The following TBRG4 variants were observed in gnomAD, a reference collection of about 807,000 sequenced individuals.
TBRG4 encodes the protein transforming growth factor beta regulator 4.
In TBRG4, 43 loss-of-function variants were observed where a neutral mutation model predicts 65.6. The observed-to-expected ratio is 0.66, with a 90% CI of 0.51 to 0.85. TBRG4 has a LOEUF of 0.85. Among genes scored for constraint, TBRG4 ranks in the 40% least tolerant of loss-of-function variants. The probability of loss-of-function intolerance (pLI) is 0.00; values close to 1 mark genes in which losing one functional copy is unlikely to be tolerated. For missense variants in TBRG4, 709 were observed against 787.9 expected (o/e 0.90, Z 1.20); for synonymous variants, 366 against 341.4 (o/e 1.07, Z -0.79).
In TBRG4 at chr7:45,103,391, A is replaced by G; in HGVS notation, c.1118T>C (p.Leu373Pro). ...DITLPHLCSV[L>P]LAFARLNFHP... is the part of the protein sequence containing the mutation. The stretch of plus-strand genomic sequence containing the variant: ...GAAGTTCAGACGCGCAAAAGCCAGA[A>G]GTACGCTGCACAGGTGGGGCAGGGT... The change falls in exon 6 of 11, where the codon CTT (leucine) becomes CCT (proline). Residue 373 changes from leucine to proline, a missense_variant. By Grantham distance (98) the Leu-to-Pro change is moderately conservative. Transcript: ENST00000258770. The G allele has an allele frequency of 6.2e-7, 1 of 1,614,100 alleles. No homozygotes were observed. Among genetic ancestry groups the G allele is most frequent in the Non-Finnish European group, 8.5e-7 (1 of 1,179,976 alleles).
chr7:45,106,186 T>G, intron 2 of TBRG4: 1 of 411,320 alleles, frequency 2.4e-6, no homozygotes, highest in Non-Finnish European at 4.8e-6. Flanking sequence ...CTACAATAAA[T>G]AGCACATTTC....
At position 45,101,257 on chromosome 7, in the gene TBRG4, C is replaced by A; in HGVS notation, c.1794+1G>T. On this transcript the variant is annotated splice_donor_variant, in intron 10 of 10. Transcript: ENST00000258770. LOFTEE classifies it high-confidence loss of function. ...TGACCACCTGCCCAAGAGGTACTCA[C>A]GTCCACTATCAGGAAGCCTGCAGCC... is the stretch of plus-strand genomic sequence containing the variant. The A allele has an allele frequency of 6.2e-7, 1 of 1,612,348 alleles. No homozygotes were observed. Among genetic ancestry groups the A allele is most frequent in the Non-Finnish European group, 8.5e-7 (1 of 1,179,090 alleles).
chr7:45,101,558 CCA>C lies in TBRG4; in HGVS notation c.1622_1623del (p.Val541GlyfsTer18), dbSNP rs760388169. ...CCAGTTGGCTGGGCAAGGTGAGGTG[CCA>C]CAAAGTCCCTTACGGGCAGAAACTC... Reference protein sequence around the residue: ...DGEFLPVRDFVAPHLAQPTGS... With the variant: ...DGEFLPVRDFXAPHLAQPTGS... On this transcript the variant is annotated frameshift_variant, in exon 9 of 11. Transcript: ENST00000258770. LOFTEE classifies it high-confidence loss of function. The C allele has an allele frequency of 1.2e-6, 2 of 1,613,848 alleles. No homozygotes were observed. Among genetic ancestry groups the C allele is most frequent in the Non-Finnish European group, 1.7e-6 (2 of 1,179,992 alleles).
intron 2 of TBRG4, 46 bp from the exon 3 acceptor site, chr7:45,105,810 C>A: frequency 6.4e-7 from 1 of 1,565,662 alleles, no homozygotes. Context: ...CACTGTCAGT[C>A]CTGTGTGTGA....
At chr7:45,110,540 A>G (rs920368880) in intron 1 of TBRG4, among the ~76,000 whole-genome samples, 2 of 151,220 alleles carry the variant, frequency 1.3e-5, no homozygotes, top group Non-Finnish European at 2.9e-5. Context: ...GGTGGCGGGC[A>G]CCTGTAGTCC....
intron 4 of TBRG4, 72 bp from the exon 5 acceptor site, chr7:45,104,328 C>A: frequency 6.2e-7 from 1 of 1,607,432 alleles, no homozygotes; most frequent in East Asian, 2.2e-5. Flanking sequence ...CACCCCACCT[C>A]AGCCTCGAGG....
intron 10 of TBRG4, among the ~76,000 whole-genome samples, chr7:45,100,960 C>T (rs932463524): frequency 6.6e-6 from 1 of 152,252 alleles, no homozygotes; most frequent in Non-Finnish European, 1.5e-5. Flanking sequence ...TGTGCAGCCT[C>T]TTGGGCTTCA....
chr7:45,101,994 G>C lies in TBRG4; in HGVS notation c.1398C>G (p.Pro466=). ...CAGGCAGAAGGGGACCCGAGTACTC[G>C]GGGTACTCCAGCAGGGCAGTGGCGT... The part of the protein sequence containing the change: ...HINATALLEY[P]EYSGPLLPAS... Residue 466 remains proline (P), a synonymous_variant, in exon 8 of 11, where the codon CCC becomes CCG. Coordinates refer to ENST00000258770, the MANE Select transcript of TBRG4 (RefSeq NM_004749.4). The C allele has an allele frequency of 6.3e-7, 1 of 1,576,002 alleles. No homozygotes were observed. Among genetic ancestry groups the C allele is most frequent in the Non-Finnish European group, 8.6e-7 (1 of 1,163,820 alleles).
rs763795717 is a variant in TBRG4 at position 45,104,266 on chromosome 7, A to G, written c.908-10T>C. ...TGAAAGCTGAGTTTGCCTTCAGGAC[A>G]GAGCAGATCACAGGGTTTAGCTGGA... On this transcript the variant is annotated splice_polypyrimidine_tract_variant and intron_variant, in intron 4 of 10. Transcript: ENST00000258770. The G allele has an allele frequency of 1.2e-6, 2 of 1,613,402 alleles. No individual in the cohort carries two copies. Among genetic ancestry groups the G allele is most frequent in the African/African-American group, 1.3e-5 (1 of 74,952 alleles).
rs542263763 is a variant in TBRG4 at position 45,111,622 on chromosome 7, T to C, written c.-51+21A>G. Reference sequence around the variant, plus strand: ...GAAACCCACGATCAGCCGCCCCTTCTCCCCGTGCCACAAGACCTACGCAGC... The same window carrying C: ...GAAACCCACGATCAGCCGCCCCTTCCCCCCGTGCCACAAGACCTACGCAGC... On this transcript the variant is annotated intron_variant, in intron 1 of 10. Transcript: ENST00000258770. 1.9e-5 allele frequency: 24 copies of C among 1,289,036 alleles called. No individual in the cohort carries two copies. The African/African-American group carries it at 3.0e-4, about 16-fold the overall frequency. The allele number at this position is 1,289,036 out of a possible 1,614,324, so 79.8% of individuals were successfully genotyped here.
In TBRG4 at chr7:45,105,581, G is replaced by C. The variant is rs1310340010; in HGVS notation, c.595C>G (p.His199Asp). 1 of 1,614,178 alleles carries C rather than the reference G, an allele frequency of 6.2e-7. No homozygotes were observed. The highest frequency in any genetic ancestry group is 2.2e-5 in the East Asian group (1 of 44,886). ...ESCATLSQEQ[H>D]SQELLAELLT... ...AGCTCAGCCAGCAGCTCCTGCGAGT[G>C]CTGCTCCTGTGAGAGGGTGGCACAG... The change falls in exon 3 of 11, where the codon CAC becomes GAC. Residue 199 changes from histidine to aspartate, a missense_variant. Coordinates refer to ENST00000258770, the MANE Select transcript of TBRG4 (RefSeq NM_004749.4).
chr7:45,105,289 C>T, intron 3 of TBRG4, 152 bp downstream of exon 3: 1 of 848,548 alleles, frequency 1.2e-6, no homozygotes. Context: ...TCTGGTCCTG[C>T]CCCATGTGAT....
Position 45,104,161 on chromosome 7 carries a change from A to G in TBRG4, c.1003T>C (p.Cys335Arg). The change falls in exon 5 of 11, where the codon TGT becomes CGT. Residue 335 changes from cysteine (C) to arginine (R), a missense_variant. By Grantham distance (180) the Cys-to-Arg change is radical (BLOSUM62 -3). Transcript: ENST00000258770. ...PSLTSGEVAH[C>R]AKSFALLKWL... ...TTGAGTAAGGCGAAGGACTTGGCAC[A>G]GTGGGCCACCTCACCAGAAGTCAGG... The G allele has an allele frequency of 6.2e-7, 1 of 1,614,044 alleles. No individual in the cohort carries two copies. The highest frequency in any genetic ancestry group is 2.2e-5 in the East Asian group (1 of 44,890).
chr7:45,104,119 G>C lies in TBRG4; in HGVS notation c.1045C>G (p.Leu349Val). 1 of 1,610,372 alleles carries C rather than the reference G, an allele frequency of 6.2e-7. No homozygotes were observed. Among genetic ancestry groups the C allele is most frequent in the Non-Finnish European group, 8.5e-7 (1 of 1,178,368 alleles). Residue 349 changes from leucine to valine, a missense_variant, in exon 5 of 11, where the codon CTG (leucine) becomes GTG (valine). Physicochemically the swap from Leu to Val is conservative, Grantham distance 32. Coordinates refer to ENST00000258770, the MANE Select transcript of TBRG4 (RefSeq NM_004749.4). ...FALLKWLSLP[L>V]FEAFAQHVLN... ...CTCACCTGGGCAAAGGCCTCAAACA[G>C]GGGCAGGCTGAGCCACTTGAGTAAG...
chr7:45,105,131 G>A, intron 3 of TBRG4: 1 of 648,152 alleles, frequency 1.5e-6, no homozygotes, highest in South Asian at 1.6e-5. Flanking sequence ...TTCAGGAGCT[G>A]CCTGCCATGC....
Position 45,102,501 on chromosome 7 carries a change from G to A in TBRG4, c.1177-10C>T. On this transcript the variant is annotated splice_polypyrimidine_tract_variant and intron_variant, in intron 6 of 10. Coordinates refer to ENST00000258770, the MANE Select transcript of TBRG4 (RefSeq NM_004749.4). ...CCAGCTTCTCATGTACCTGGGCAAG[G>A]ATAGAGTGTGGTGGAGAAAGCAGGC... is the stretch of plus-strand genomic sequence containing the variant. The A allele has an allele frequency of 6.2e-7, 1 of 1,606,560 alleles. No homozygotes were observed. Among genetic ancestry groups the A allele is most frequent in the Non-Finnish European group, 8.5e-7 (1 of 1,179,608 alleles).
Position 45,101,529 on chromosome 7 carries a change from G to C in TBRG4, c.1653C>G (p.Ser551Arg), listed in dbSNP as rs367717524. 6.2e-7 allele frequency: 1 copy of C among 1,613,644 alleles called. No homozygotes were observed. The highest frequency in any genetic ancestry group is 1.3e-5 in the African/African-American group (1 of 74,934). ...VAPHLAQPTG[S>R]QSPPPGSKRL... ...TCTTAGACCCTGGAGGTGGTGACTG[G>C]CTCCCAGTTGGCTGGGCAAGGTGAG... Residue 551 changes from serine (S) to arginine (R), a missense_variant, in exon 9 of 11, where the codon AGC becomes AGG. Physicochemically the swap from Ser to Arg is moderately radical, Grantham distance 110. Transcript: ENST00000258770.
In TBRG4 at chr7:45,101,915, G is replaced by C. The variant is rs1784776611; in HGVS notation, c.1477C>G (p.Gln493Glu). 1 of 1,610,914 alleles carries C rather than the reference G, an allele frequency of 6.2e-7. No homozygotes were observed. ...TTCAGCGTCTCCTGCAGCTCCTTTTGCAGGGGGGTCACCTTCCTGTCAAGG... is the reference window on the plus strand; with the variant it reads ...TTCAGCGTCTCCTGCAGCTCCTTTTCCAGGGGGGTCACCTTCCTGTCAAGG... ...SALDRKVTPL[Q>E]KELQETLKGL... is the part of the protein sequence containing the mutation. Residue 493 changes from glutamine (Q) to glutamate (E), a missense_variant, in exon 8 of 11, where the codon CAA becomes GAA. Gln to Glu is a conservative substitution (Grantham distance 29). Coordinates refer to ENST00000258770, the MANE Select transcript of TBRG4 (RefSeq NM_004749.4).
rs772907021 is a variant in TBRG4 at position 45,101,998 on chromosome 7, T to C, written c.1394A>G (p.Tyr465Cys). The C allele has an allele frequency of 3.7e-5, 58 of 1,575,074 alleles. No homozygotes were observed. In the South Asian group the frequency reaches 6.5e-4, roughly 18 times the overall value. The change falls in exon 8 of 11, where the codon TAC becomes TGC. Residue 465 changes from tyrosine to cysteine, a missense_variant. Transcript: ENST00000258770. ...CAGAAGGGGACCCGAGTACTCGGGG[T>C]ACTCCAGCAGGGCAGTGGCGTTGAT... ...LHINATALLEYPEYSGPLLPA... is the reference protein window; with the variant it reads ...LHINATALLECPEYSGPLLPA...
Sources: gnomAD v4.1 joint callset for allele counts (sites outside exome capture counted in the v4.1 genomes callset) on GRCh38, gnomAD v4.1.1 for gene constraint, MANE v1.5 for transcripts, NCBI Gene and HGNC (gene_info 2026-07-23, HGNC 2026-07-21) for gene names.